LBH: variants seen among roughly 807,000 people sequenced by gnomAD.
LBH encodes protein LBH.
LBH carries 7 observed loss-of-function variants against 12.5 expected under a neutral mutation model. That is an observed-to-expected ratio of 0.56 (90% CI 0.32 to 1.05). The LOEUF (loss-of-function observed/expected upper bound fraction) is 1.05. Among genes scored for constraint, LBH ranks in the 50% least tolerant of loss-of-function variants. LBH has a pLI of 0.04. For synonymous variants in LBH, 51 were observed against 50.1 expected, an observed-to-expected ratio of 1.02 and a Z score of -0.08; for missense variants, 119 against 138.9, an observed-to-expected ratio of 0.86 and a Z score of 0.72.
At chr2:30,236,769 A>G (rs1258763343) in intron 2 of LBH, among the ~76,000 whole-genome samples, 1 of 152,182 alleles carries the variant, frequency 6.6e-6, no homozygotes, top group Non-Finnish European at 1.5e-5. Context: ...CAGAAGCTAC[A>G]GTGAGTCCAG....
At chr2:30,239,347 A>G (rs1212747833) in intron 2 of LBH, among the ~76,000 whole-genome samples, 1 of 151,994 alleles carries the variant, frequency 6.6e-6, no homozygotes, top group African/African-American at 2.4e-5. Flanking sequence ...TCTGTCCCCC[A>G]CCAGCTCACG....
rs879006901 is a variant in LBH, at chr2:30,259,816, C to CT, written c.*2208dup. 857 of 142,278 alleles carry CT rather than the reference C, an allele frequency of 6.0e-3. 2 individuals carry two copies. The highest frequency in any genetic ancestry group is 0.018 in the Middle Eastern group (5 of 280). The allele number at this position is 142,278 out of a possible 1,614,324, so 8.8% of individuals were successfully genotyped here. ...TGGCTGAGCTCCTATCTGGCCTCCT[C>CT]TTTTTTTTTTTTTCAAGTAATTTGT... On this transcript the variant is annotated 3_prime_UTR_variant, in exon 3 of 3. Coordinates refer to ENST00000395323, the MANE Select transcript of LBH (RefSeq NM_030915.4).
intron 2 of LBH, among the ~76,000 whole-genome samples, chr2:30,241,230 A>G (rs911846442): frequency 1.3e-5 from 2 of 152,214 alleles, no homozygotes; most frequent in African/African-American, 4.8e-5. Context: ...GCGCACATCC[A>G]CTAACACACA....
chr2:30,258,692 C>T lies in LBH; in HGVS notation c.*1071C>T, dbSNP rs1261355452. ...CTCACGCCCCATGGGGGATCTTGGT[C>T]TGTTTTTCTTGTGGGAGCCTAGTGG... is the stretch of plus-strand genomic sequence containing the variant. On this transcript the variant is annotated 3_prime_UTR_variant, in exon 3 of 3. Coordinates refer to ENST00000395323, the MANE Select transcript of LBH (RefSeq NM_030915.4). The T allele has an allele frequency of 1.3e-5, 2 of 152,482 alleles. No individual in the cohort carries two copies. Among genetic ancestry groups the T allele is most frequent in the Admixed American group, 6.5e-5 (1 of 15,290 alleles). The allele number at this position is 152,482 out of a possible 1,614,324, so 9.4% of individuals were successfully genotyped here. A position where few individuals can be genotyped will look rare whatever the true frequency, so the allele number is the denominator to read the frequency against.
chr2:30,242,210 A>G (rs911027124), intron 2 of LBH, among the ~76,000 whole-genome samples: 2 of 152,070 alleles, frequency 1.3e-5, no homozygotes, highest in Non-Finnish European at 2.9e-5. Flanking sequence ...GTATGCATAT[A>G]TACTGTTACA....
rs780007390 is a variant in LBH, at chr2:30,231,773, C to G, written c.26+9C>G. On this transcript the variant is annotated intron_variant, in intron 1 of 2. Coordinates refer to ENST00000395323, the MANE Select transcript of LBH (RefSeq NM_030915.4). ...TATTTCCCCATTCACTGGTGAGTAC[C>G]CTGCGCCTGCGGCGGGCGTCTGTCT... 1.0e-5 allele frequency: 16 copies of G among 1,558,596 alleles called. No homozygotes were observed. In the Admixed American group the frequency reaches 3.1e-4, roughly 30 times the overall value.
intron 2 of LBH, among the ~76,000 whole-genome samples, chr2:30,239,795 T>C (rs1402815080): frequency 6.6e-6 from 1 of 152,216 alleles, no homozygotes; most frequent in Non-Finnish European, 1.5e-5. Flanking sequence ...TCTGCCTCTA[T>C]GTGAGTCATT....
rs187926118 is a variant in LBH at position 30,252,480 on chromosome 2, G to A, written c.130-4953G>A. Among the ~76,000 whole-genome samples, 905 of 152,230 alleles carry A rather than the reference G, an allele frequency of 5.9e-3. 3 individuals are homozygous for A. Among genetic ancestry groups the A allele is most frequent in the African/African-American group, 0.018 (758 of 41,546 alleles). On this transcript the variant is annotated intron_variant, in intron 2 of 2. Transcript: ENST00000395323. ...GATTGAGACCATACTGGCTAACATG[G>A]TGAACCATCGTCTCTACTAAAAATA...
At chr2:30,239,381 C>G (rs897331504) in intron 2 of LBH, among the ~76,000 whole-genome samples, 1 of 152,176 alleles carries the variant, frequency 6.6e-6, no homozygotes, top group Non-Finnish European at 1.5e-5. Context: ...CATAACGCAT[C>G]CACTCTATCC....
intron 2 of LBH, among the ~76,000 whole-genome samples, chr2:30,240,413 G>A (rs865996331): frequency 6.6e-6 from 1 of 152,290 alleles, no homozygotes; most frequent in East Asian, 1.9e-4. Flanking sequence ...TGATCTTGCA[G>A]GCCTGAGTCC....
chr2:30,258,015 T>C lies in LBH; in HGVS notation c.*394T>C, dbSNP rs1678117847. On this transcript the variant is annotated 3_prime_UTR_variant, in exon 3 of 3. Transcript: ENST00000395323. ...CATGTGCAAAGCAAGCAAGGAACAT[T>C]TGGGGTAAGAAAACAAACATGAGGC... 2 of 162,618 alleles carry C rather than the reference T, an allele frequency of 1.2e-5. No homozygotes were observed. The highest frequency in any genetic ancestry group is 2.7e-5 in the Non-Finnish European group (2 of 74,908). The allele number at this position is 162,618 out of a possible 1,614,324, so 10.1% of individuals were successfully genotyped here.
intron 2 of LBH, among the ~76,000 whole-genome samples, chr2:30,257,126 G>T (rs11679132): frequency 0.25 from 38,295 of 152,134 alleles, 5,126 homozygotes; most frequent in Middle Eastern, 0.33. Context: ...GATTTGGGAT[G>T]ATTTTATCTG....
rs1258956992 is a variant in LBH at position 30,257,781 on chromosome 2, T to C, written c.*160T>C. ...AGATCACCGAGTTGGTTTTCTTTTC[T>C]TTTCTTGCCTTTTTTTTTTTTTGAA... On this transcript the variant is annotated 3_prime_UTR_variant, in exon 3 of 3. Coordinates refer to ENST00000395323, the MANE Select transcript of LBH (RefSeq NM_030915.4). 9.3e-6 allele frequency: 5 copies of C among 539,112 alleles called. No individual in the cohort carries two copies. The highest frequency in any genetic ancestry group is 8.7e-5 in the South Asian group (3 of 34,356). 33.4% of individuals were successfully genotyped at this position (539,112 alleles called of 1,614,324 possible). A position where few individuals can be genotyped will look rare whatever the true frequency, so the allele number is the denominator to read the frequency against.
intron 2 of LBH, among the ~76,000 whole-genome samples, chr2:30,253,681 CT>C (rs2103563228): frequency 6.6e-6 from 1 of 152,276 alleles, no homozygotes; most frequent in South Asian, 2.1e-4. Context: ...GTTCATATGA[CT>C]CCCTCTTGCT....
intron 2 of LBH, among the ~76,000 whole-genome samples, chr2:30,234,920 G>T (rs2103555430): frequency 6.6e-6 from 1 of 152,296 alleles, no homozygotes; most frequent in Non-Finnish European, 1.5e-5. Context: ...ATTGCTGTCG[G>T]GGGCTTCTGC....
intron 2 of LBH, among the ~76,000 whole-genome samples, chr2:30,243,525 C>CTTTTTT (rs886828942): frequency 7.3e-5 from 8 of 110,168 alleles, no homozygotes; most frequent in Non-Finnish European, 1.1e-4. Flanking sequence ...GGGCTGGACT[C>CTTTTTT]TTTTTTTTTT....
chr2:30,232,851 C>G (rs549031162), intron 1 of LBH: 1 of 152,560 alleles, frequency 6.6e-6, no homozygotes, highest in Non-Finnish European at 1.5e-5. Flanking sequence ...GAGGAAACTG[C>G]CTTTGCAGGG....
Position 30,243,345 on chromosome 2 carries a change from G to T in LBH, c.129+8838G>T, listed in dbSNP as rs1276782821. 3.9e-5 allele frequency among the ~76,000 whole-genome samples: 6 copies of T among 152,202 alleles called. No individual in the cohort carries two copies. In the East Asian group the frequency reaches 1.2e-3, roughly 29 times the overall value. On this transcript the variant is annotated intron_variant, in intron 2 of 2. Coordinates refer to ENST00000395323, the MANE Select transcript of LBH (RefSeq NM_030915.4). ...TCCTTTATTCTATTAATGACATTGA[G>T]CATTGTGTAAACCTTGAAGAAGACC...
At chr2:30,237,036 C>T (rs1306978781) in intron 2 of LBH, among the ~76,000 whole-genome samples, 4 of 152,242 alleles carry the variant, frequency 2.6e-5, no homozygotes, top group Admixed American at 2.6e-4. Flanking sequence ...GACACATTCC[C>T]ACCAGAGCTC....
Sources: gnomAD v4.1 joint callset for allele counts (sites outside exome capture counted in the v4.1 genomes callset) on GRCh38, gnomAD v4.1.1 for gene constraint, MANE v1.5 for transcripts, NCBI Gene and HGNC (gene_info 2026-07-23, HGNC 2026-07-21) for gene names.